TTC21B: variants seen among roughly 807,000 people sequenced by gnomAD.
TTC21B encodes the protein tetratricopeptide repeat domain 21B.
Under a neutral mutation model 175.1 loss-of-function variants are expected in TTC21B, and 127 were observed. The ratio of observed to expected loss-of-function variants is 0.73; its 90% CI spans 0.63 to 0.84. The LOEUF (loss-of-function observed/expected upper bound fraction) is 0.84, where lower values mean the gene tolerates loss of function less well. Ranked by LOEUF, TTC21B falls within the 40% of genes least tolerant of loss-of-function variation. The pLI is 0.00. For synonymous variants in TTC21B, 524 were observed against 524.5 expected, an observed-to-expected ratio of 1.00 and a Z score of 0.01; for missense variants, 1,561 against 1,558.3, an observed-to-expected ratio of 1.00 and a Z score of -0.03.
chr2:165,876,152 T>C lies in TTC21B; in HGVS notation c.3873+13A>G. ...TCTGAAAAATTTTAAGAAATCTAAATTTAAGTGTTTACCTGGTGACATATG... is the reference window on the plus strand; with the variant it reads ...TCTGAAAAATTTTAAGAAATCTAAACTTAAGTGTTTACCTGGTGACATATG... On this transcript the variant is annotated intron_variant, in intron 28 of 28. Transcript: ENST00000243344. The C allele has an allele frequency of 6.5e-7, 1 of 1,547,630 alleles. No individual in the cohort carries two copies. The highest frequency in any genetic ancestry group is 8.9e-7 in the Non-Finnish European group (1 of 1,122,796).
rs1046348644 is a variant in TTC21B, at chr2:165,873,829, G to T, written c.*926C>A. ...CCTTTTCTAAAAAAGATTTTTCAAT[G>T]AAAGTTACATTTTCTGTACTATACC... On this transcript the variant is annotated 3_prime_UTR_variant, in exon 29 of 29. Coordinates refer to ENST00000243344, the MANE Select transcript of TTC21B (RefSeq NM_024753.5). 1 of 152,070 alleles carries T rather than the reference G, an allele frequency of 6.6e-6. No individual in the cohort carries two copies. The highest frequency in any genetic ancestry group is 1.5e-5 in the Non-Finnish European group (1 of 68,010). The allele number at this position is 152,070 out of a possible 1,614,324, so 9.4% of individuals were successfully genotyped here. A position where few individuals can be genotyped will look rare whatever the true frequency, so the allele number is the denominator to read the frequency against.
chr2:165,944,184 C>T (rs187340006), intron 4 of TTC21B, among the ~76,000 whole-genome samples: 221 of 152,188 alleles, frequency 1.5e-3, no homozygotes, highest in African/African-American at 3.5e-3. Context: ...TATTTCTAGC[C>T]GAAAACCTCT....
intron 17 of TTC21B, among the ~76,000 whole-genome samples, chr2:165,912,183 T>C (rs557526021): frequency 6.6e-6 from 1 of 152,220 alleles, no homozygotes; most frequent in South Asian, 2.1e-4. Context: ...AACACATAGC[T>C]TGCAAAAATT....
At chr2:165,919,475 A>G (rs753927484) in intron 12 of TTC21B, 42 bp from the exon 13 acceptor site, 1 of 1,596,120 alleles carries the variant, frequency 6.3e-7, no homozygotes, top group East Asian at 2.2e-5. Flanking sequence ...CAAATGATTA[A>G]GAAATGGAGA....
intron 25 of TTC21B, among the ~76,000 whole-genome samples, chr2:165,886,639 C>T (rs56793438): frequency 2.0e-5 from 3 of 152,080 alleles, no homozygotes; most frequent in African/African-American, 4.8e-5. Context: ...AAAAATAACA[C>T]AGTCTTATCA....
intron 11 of TTC21B, among the ~76,000 whole-genome samples, chr2:165,926,219 A>C (rs1359968424): frequency 3.9e-5 from 6 of 152,214 alleles, no homozygotes; most frequent in African/African-American, 1.4e-4. Flanking sequence ...GTCCATTTGA[A>C]CTAGAGGCCC....
At chr2:165,910,003 A>G (rs1048832275) in intron 18 of TTC21B, among the ~76,000 whole-genome samples, 1 of 152,180 alleles carries the variant, frequency 6.6e-6, no homozygotes, top group Non-Finnish European at 1.5e-5. Context: ...ATGATATACA[A>G]GTTGTTAAAT....
At chr2:165,953,092 G>A (rs1461227737) in intron 1 of TTC21B, among the ~76,000 whole-genome samples, 1 of 152,182 alleles carries the variant, frequency 6.6e-6, no homozygotes, top group Non-Finnish European at 1.5e-5. Context: ...GTGAACAAAT[G>A]AATAGAGAAG....
chr2:165,910,510 A>C (rs971842801), intron 18 of TTC21B, among the ~76,000 whole-genome samples: 3 of 152,126 alleles, frequency 2.0e-5, no homozygotes, highest in Non-Finnish European at 4.4e-5. Context: ...TCAGCACCCT[A>C]CTCTAAGAAA....
chr2:165,953,736 G>C lies in TTC21B; in HGVS notation c.-31C>G. 7 of 1,547,934 alleles carry C rather than the reference G, an allele frequency of 4.5e-6. No individual in the cohort carries two copies. Among genetic ancestry groups the C allele is most frequent in the Non-Finnish European group, 6.1e-6 (7 of 1,146,194 alleles). ...CCCCGAGGCCGGGCCGCGGGGCTCTGGGGATTGTCTCGCCGCAGCCTAAAG... is the reference window on the plus strand; with the variant it reads ...CCCCGAGGCCGGGCCGCGGGGCTCTCGGGATTGTCTCGCCGCAGCCTAAAG... On this transcript the variant is annotated 5_prime_UTR_variant, in exon 1 of 29. Coordinates refer to ENST00000243344, the MANE Select transcript of TTC21B (RefSeq NM_024753.5).
At chr2:165,881,040 G>A (rs1030547751) in intron 26 of TTC21B, among the ~76,000 whole-genome samples, 4 of 151,974 alleles carry the variant, frequency 2.6e-5, no homozygotes, top group African/African-American at 9.7e-5. Flanking sequence ...TACACAATAG[G>A]GCACTTGTGT....
At chr2:165,933,116 G>A in intron 6 of TTC21B, 59 bp from the exon 7 acceptor site, 2 of 1,524,404 alleles carry the variant, frequency 1.3e-6, no homozygotes, top group Middle Eastern at 1.7e-4. Context: ...TTTTATTCGA[G>A]GGCATGAAAA....
intron 11 of TTC21B, among the ~76,000 whole-genome samples, chr2:165,926,395 G>C (rs1686630361): frequency 1.3e-5 from 2 of 152,142 alleles, no homozygotes; most frequent in African/African-American, 4.8e-5. Flanking sequence ...TAAGGCCAAA[G>C]GAGTTATAAG....
At chr2:165,894,440 G>T (rs1455033613) in intron 22 of TTC21B, among the ~76,000 whole-genome samples, 1 of 152,168 alleles carries the variant, frequency 6.6e-6, no homozygotes, top group Non-Finnish European at 1.5e-5. Flanking sequence ...GAACGGAGAT[G>T]CATGTTTTAG....
intron 18 of TTC21B, among the ~76,000 whole-genome samples, chr2:165,910,328 G>A (rs972521288): frequency 1.3e-5 from 2 of 151,986 alleles, no homozygotes; most frequent in Non-Finnish European, 2.9e-5. Context: ...GTGTGAGCCC[G>A]GGCAGCAGAG....
chr2:165,918,659 C>G (rs1056259353), intron 13 of TTC21B, among the ~76,000 whole-genome samples: 1 of 152,066 alleles, frequency 6.6e-6, no homozygotes, highest in Non-Finnish European at 1.5e-5. Context: ...GGGTCCATGA[C>G]CCTGTGAAGC....
intron 19 of TTC21B, among the ~76,000 whole-genome samples, chr2:165,905,090 C>T (rs1194456977): frequency 1.3e-5 from 2 of 152,008 alleles, no homozygotes; most frequent in Non-Finnish European, 2.9e-5. Flanking sequence ...ACATTGTGTT[C>T]CCTATAAACA....
intron 5 of TTC21B, 42 bp downstream of exon 5, chr2:165,943,177 T>G (rs764148243): frequency 1.2e-6 from 2 of 1,601,840 alleles, no homozygotes; most frequent in Admixed American, 3.3e-5. Flanking sequence ...ATATTATGAA[T>G]ATATTTTGAA....
chr2:165,902,121 T>A (rs562137445), intron 19 of TTC21B, among the ~76,000 whole-genome samples: 1 of 152,286 alleles, frequency 6.6e-6, no homozygotes, highest in Non-Finnish European at 1.5e-5. Flanking sequence ...ACAAAACACT[T>A]ATGGAATTAC....
Sources: allele counts gnomAD v4.1 joint callset (sites outside exome capture counted in the v4.1 genomes callset), GRCh38; gene constraint gnomAD v4.1.1; transcripts MANE v1.5; gene names NCBI Gene and HGNC (gene_info 2026-07-23, HGNC 2026-07-21).